Variants in ENPP7 observed in about 807,000 individuals in gnomAD.
ENPP7 encodes ectonucleotide pyrophosphatase/phosphodiesterase family member 7.
Under a neutral mutation model 33.6 loss-of-function variants are expected in ENPP7, and 39 were observed. The observed-to-expected ratio is 1.16, with a 90% confidence interval of 0.90 to 1.52. The LOEUF is 1.52. Among genes scored for constraint, ENPP7 ranks in the 40% most tolerant of loss-of-function variants. The pLI is 0.00. For synonymous variants in ENPP7, 244 were observed against 274.3 expected (o/e 0.89, Z 1.09); for missense variants, 594 against 641.0 (o/e 0.93, Z 0.79).
chr17:79,740,377 G>C (rs2094303127), intron 5 of ENPP7, among the ~76,000 whole-genome samples: 1 of 152,154 alleles, frequency 6.6e-6, no homozygotes, highest in Non-Finnish European at 1.5e-5. Flanking sequence ...GGCGTTAGCT[G>C]ACTGGTCCAA....
At chr17:79,732,461 C>G (rs1555822740) in intron 1 of ENPP7, among the ~76,000 whole-genome samples, 1 of 152,098 alleles carries the variant, frequency 6.6e-6, no homozygotes, top group Non-Finnish European at 1.5e-5. Flanking sequence ...CTTAAACCCA[C>G]AGAAACGGAT....
In ENPP7 at chr17:79,735,367, A is replaced by G. The variant is rs2094293558; in HGVS notation, c.724A>G (p.Ile242Val). Residue 242 changes from isoleucine to valine, a missense_variant, in exon 3 of 6, where the codon ATC becomes GTC. This residue lies in a region of ENPP7 where 504 missense variants were observed against 512.8 expected (regional missense o/e 0.98). Transcript: ENST00000328313. The surrounding 1 kb of genome is among the most constrained non-coding windows in gnomAD (Gnocchi z 5.5). ...RNHLTDRLNL[I>V]ITSDHGMTTV... ...CCACCTCACAGACCGCCTCAACCTG[A>G]TCATCACATCCGACCACGGCATGAC... 1 of 1,613,886 alleles carries G rather than the reference A, an allele frequency of 6.2e-7. No homozygotes were observed. Among genetic ancestry groups the G allele is most frequent in the East Asian group, 2.2e-5 (1 of 44,878 alleles).
At position 79,737,220 on chromosome 17, in the gene ENPP7, C is replaced by T. The variant is rs781961570; in HGVS notation, c.1206C>T (p.Asn402=). 24 of 1,610,910 alleles carry T rather than the reference C, an allele frequency of 1.5e-5. No individual in the cohort carries two copies. Among genetic ancestry groups the T allele is most frequent in the South Asian group, 1.2e-4 (11 of 91,068 alleles). ...CRLLGIVPEA[N]DGHLATLLPM... is the part of the protein sequence containing the mutation. ...TGCTGGGCATCGTGCCCGAGGCCAA[C>T]GATGGGCACCTAGCTACTCTGCTGC... The change falls in exon 4 of 6, where the codon AAC becomes AAT. Residue 402 remains asparagine, a synonymous_variant. Transcript: ENST00000328313. The surrounding 1 kb of genome is among the most constrained non-coding windows in gnomAD (Gnocchi z 5.5).
At chr17:79,732,165 T>TATATATAC (rs2094287920) in intron 1 of ENPP7, among the ~76,000 whole-genome samples, 1 of 131,162 alleles carries the variant, frequency 7.6e-6, no homozygotes, top group African/African-American at 2.8e-5. Context: ...CACATATATA[T>TATATATAC]ATATATGAGG....
At chr17:79,732,151 C>CACATATATATGTATATATATATATAT (rs2094287743) in intron 1 of ENPP7, among the ~76,000 whole-genome samples, 1 of 25,884 alleles carries the variant, frequency 3.9e-5, no homozygotes, top group African/African-American at 1.5e-4. Flanking sequence ...TATATATATA[C>CACATATATATGTATATATATATATAT]ACACACATAT....
At position 79,742,020 on chromosome 17, in the gene ENPP7, G is replaced by C. The variant is rs1905566521; in HGVS notation, c.*243G>C. 1.2e-6 allele frequency: 1 copy of C among 840,308 alleles called. No individual in the cohort carries two copies. The highest frequency in any genetic ancestry group is 1.8e-5 in the African/African-American group (1 of 54,176). 52.1% of individuals were successfully genotyped at this position (840,308 alleles called of 1,614,324 possible). ...GTCCCATAACCGGCCCCCTGCCCCT[G>C]CCCCTGCTCCTGCTCCTCCCCTTCG... is the stretch of plus-strand genomic sequence containing the variant. On this transcript the variant is annotated 3_prime_UTR_variant, in exon 6 of 6. Transcript: ENST00000328313.
intron 1 of ENPP7, among the ~76,000 whole-genome samples, 189 bp from the exon 2 acceptor site, chr17:79,733,319 C>T (rs3923264): frequency 0.028 from 4,313 of 152,308 alleles, 201 homozygotes; most frequent in African/African-American, 0.097. Context: ...CAGACATGAC[C>T]TCGAACCTTG....
intron 1 of ENPP7, 61 bp from the exon 2 acceptor site, chr17:79,733,447 G>T (rs1368520063): frequency 1.9e-6 from 3 of 1,563,898 alleles, no homozygotes; most frequent in Non-Finnish European, 2.6e-6. Flanking sequence ...CCAGCCCTGG[G>T]TCCGGCCTTC....
intron 5 of ENPP7, among the ~76,000 whole-genome samples, chr17:79,740,437 G>A (rs1015394913): frequency 1.3e-5 from 2 of 152,144 alleles, no homozygotes; most frequent in Non-Finnish European, 2.9e-5. Context: ...TTAAGGTCCT[G>A]GTCCCGAGTA....
At position 79,737,870 on chromosome 17, in the gene ENPP7, G is replaced by A. The variant is rs1555823942; in HGVS notation, c.1247-46G>A. ...GAGTTTACTGTGGAGAGGCTGGGGTGAGGAGCCATCCCTCTCTCCCTCACA... is the reference window on the plus strand; with the variant it reads ...GAGTTTACTGTGGAGAGGCTGGGGTAAGGAGCCATCCCTCTCTCCCTCACA... On this transcript the variant is annotated intron_variant, in intron 4 of 5. Coordinates refer to ENST00000328313, the MANE Select transcript of ENPP7 (RefSeq NM_178543.5). This position sits in a 1 kb window ranked among gnomAD's most constrained non-coding sequence, Gnocchi z 5.5. The A allele has an allele frequency of 1.9e-6, 3 of 1,606,304 alleles. No homozygotes were observed. Among genetic ancestry groups the A allele is most frequent in the Admixed American group, 1.7e-5 (1 of 59,972 alleles).
chr17:79,735,757 C>A lies in ENPP7; in HGVS notation c.1026+88C>A. The A allele has an allele frequency of 7.9e-7, 1 of 1,262,934 alleles. No individual in the cohort carries two copies. The highest frequency in any genetic ancestry group is 1.1e-6 in the Non-Finnish European group (1 of 920,674). 78.2% of individuals were successfully genotyped at this position (1,262,934 alleles called of 1,614,324 possible). On this transcript the variant is annotated intron_variant, in intron 3 of 5. Coordinates refer to ENST00000328313, the MANE Select transcript of ENPP7 (RefSeq NM_178543.5). The surrounding 1 kb of genome is among the most constrained non-coding windows in gnomAD (Gnocchi z 5.5). ...TTTTTTTTTTGAGACCAGGGTCTTGCTCTGTTGCCCAGGCTGGAGTGCAAT... is the reference window on the plus strand; with the variant it reads ...TTTTTTTTTTGAGACCAGGGTCTTGATCTGTTGCCCAGGCTGGAGTGCAAT...
At chr17:79,732,157 C>CATATATATATATGTAT (rs2094287849) in intron 1 of ENPP7, among the ~76,000 whole-genome samples, 1 of 73,306 alleles carries the variant, frequency 1.4e-5, no homozygotes, top group East Asian at 5.8e-4. Context: ...TATACACACA[C>CATATATATATATGTAT]ATATATATAT....
intron 1 of ENPP7, among the ~76,000 whole-genome samples, chr17:79,731,961 G>GA (rs1267503964): frequency 2.0e-5 from 3 of 151,748 alleles, no homozygotes; most frequent in Non-Finnish European, 4.4e-5. Context: ...AGCCAGGCAT[G>GA]ATGGTGCATG....
chr17:79,734,064 C>T (rs782452408), intron 2 of ENPP7, among the ~76,000 whole-genome samples: 14 of 152,282 alleles, frequency 9.2e-5, no homozygotes, highest in Non-Finnish European at 1.6e-4. Flanking sequence ...CTTTCCACAT[C>T]CCTGTCACAG....
intron 3 of ENPP7, among the ~76,000 whole-genome samples, chr17:79,736,535 G>GCA (rs143329522): frequency 1.0e-4 from 9 of 87,406 alleles, no homozygotes; most frequent in South Asian, 7.5e-4. Context: ...TGTGTGATAG[G>GCA]CGTGTGTGTG....
chr17:79,732,992 C>T (rs555059045), intron 1 of ENPP7, among the ~76,000 whole-genome samples: 1 of 152,332 alleles, frequency 6.6e-6, no homozygotes, highest in African/African-American at 2.4e-5. Context: ...ATCATCTCTC[C>T]TTTTGCACCT....
intron 2 of ENPP7, among the ~76,000 whole-genome samples, chr17:79,734,479 A>ATTT (rs5822293): frequency 2.9e-5 from 4 of 140,024 alleles, no homozygotes; most frequent in Non-Finnish European, 4.6e-5. Context: ...ATCTGGGAAC[A>ATTT]TTTTTTTTTT....
chr17:79,734,072 C>T (rs1415887818), intron 2 of ENPP7, among the ~76,000 whole-genome samples: 1 of 152,178 alleles, frequency 6.6e-6, no homozygotes, highest in Non-Finnish European at 1.5e-5. Flanking sequence ...ATCCCTGTCA[C>T]AGCTGAACAG....
rs782420570 is a variant in ENPP7 at position 79,735,228 on chromosome 17, C to T, written c.585C>T (p.Phe195=). The T allele has an allele frequency of 2.5e-6, 4 of 1,613,250 alleles. No individual in the cohort carries two copies. Among genetic ancestry groups the T allele is most frequent in the Admixed American group, 1.7e-5 (1 of 60,000 alleles). Reference sequence around the variant, plus strand: ...ACCTGGATCTGGTCACACTCTACTTCGGGGAGCCGGACTCCACGGGCCACA... The same window carrying T: ...ACCTGGATCTGGTCACACTCTACTTTGGGGAGCCGGACTCCACGGGCCACA... ...EEDLDLVTLY[F]GEPDSTGHRY... is the part of the protein sequence containing the mutation. The change falls in exon 3 of 6, where the codon TTC becomes TTT. Residue 195 remains phenylalanine, a synonymous_variant. Coordinates refer to ENST00000328313, the MANE Select transcript of ENPP7 (RefSeq NM_178543.5). The surrounding 1 kb of genome is among the most constrained non-coding windows in gnomAD (Gnocchi z 5.5).
Sources: allele counts gnomAD v4.1 joint callset (sites outside exome capture counted in the v4.1 genomes callset), GRCh38; gene constraint gnomAD v4.1.1; regional missense constraint gnomAD v4.1.1; non-coding constraint Gnocchi (gnomAD v3.1); transcripts MANE v1.5; gene names NCBI Gene and HGNC (gene_info 2026-07-23, HGNC 2026-07-21).